TMEM272: variants seen among roughly 807,000 people sequenced by gnomAD.
The protein encoded by TMEM272 is transmembrane protein 272.
In TMEM272, 8 loss-of-function variants were observed where a neutral mutation model predicts 3.7. The observed-to-expected ratio is 2.17, with a 90% CI of 1.27 to 3.91. TMEM272 has a LOEUF of 3.91. Ranked by LOEUF, TMEM272 falls within the 30% of genes most tolerant of loss-of-function variation. TMEM272 has a pLI of 0.00. For missense variants in TMEM272, 166 were observed against 91.5 expected (o/e 1.81, Z -3.32); for synonymous variants, 63 against 39.8 (o/e 1.58, Z -2.20).
At chr13:51,855,193 G>A in the TMEM272 span, among the ~76,000 whole-genome samples, 4 of 152,230 alleles carry the variant, frequency 2.6e-5, no homozygotes, top group Non-Finnish European at 4.4e-5. Context: ...CTATCAGCAA[G>A]GAGAGGCTCT....
the TMEM272 span, among the ~76,000 whole-genome samples, chr13:51,859,547 C>G: frequency 5.0e-3 from 746 of 150,462 alleles, 5 homozygotes; most frequent in African/African-American, 0.017. Flanking sequence ...CACACACACA[C>G]AGACACCCCC....
chr13:51,869,169 A>G, the TMEM272 span, among the ~76,000 whole-genome samples: 2 of 152,190 alleles, frequency 1.3e-5, no homozygotes, highest in Non-Finnish European at 2.9e-5. Flanking sequence ...TAGATGAAGG[A>G]ACAATGCTCA....
At chr13:51,886,594 A>G in the TMEM272 span, among the ~76,000 whole-genome samples, 1 of 152,194 alleles carries the variant, frequency 6.6e-6, no homozygotes, top group Non-Finnish European at 1.5e-5. Context: ...AATAAAGATT[A>G]TTATCTTTTT....
In TMEM272 at chr13:51,816,860, A is replaced by G. The variant is rs1047247617; in HGVS notation, c.455T>C (p.Phe152Ser). ...ACTGAGCGCCAGGACTCCGACTGCA[A>G]AGAGGTACAGGGTTTTGTCACAGTA... is the stretch of plus-strand genomic sequence containing the variant. The part of the protein sequence containing the change: ...QDYCDKTLYL[F>S]AVGVLALSHT... Residue 152 changes from phenylalanine to serine, a missense_variant, in exon 5 of 5, where the codon TTT becomes TCT. Transcript: ENST00000629372. The G allele has an allele frequency of 7.1e-6, 5 of 702,934 alleles. No homozygotes were observed. Among genetic ancestry groups the G allele is most frequent in the Middle Eastern group, 2.3e-4 (1 of 4,392 alleles). The allele number at this position is 702,934 out of a possible 1,614,324, so 43.5% of individuals were successfully genotyped here. A position where few individuals can be genotyped will look rare whatever the true frequency, so the allele number is the denominator to read the frequency against.
the TMEM272 span, among the ~76,000 whole-genome samples, chr13:51,925,476 GGTTT>G: frequency 1.2e-4 from 18 of 152,040 alleles, no homozygotes; most frequent in Non-Finnish European, 2.4e-4. Context: ...TAATCTAGAT[GGTTT>G]GTTTATAAAT....
At chr13:51,836,838 A>C (rs1011048762) in intron 2 of TMEM272, among the ~76,000 whole-genome samples, 1 of 152,198 alleles carries the variant, frequency 6.6e-6, no homozygotes, top group East Asian at 1.9e-4. Flanking sequence ...TTCCTAGGAA[A>C]CCTAAAATGT....
chr13:51,910,136 T>C, the TMEM272 span: 2 of 1,026,944 alleles, frequency 1.9e-6, no homozygotes, highest in East Asian at 2.4e-5. Flanking sequence ...TCACCTCATC[T>C]TGTTCAGAAT....
At chr13:51,835,016 C>T (rs1490098055) in intron 2 of TMEM272, among the ~76,000 whole-genome samples, 6 of 152,016 alleles carry the variant, frequency 3.9e-5, no homozygotes, top group African/African-American at 1.4e-4. Flanking sequence ...CAGGAGAGCT[C>T]CAGAAAGCTC....
chr13:51,901,650 T>A, the TMEM272 span, among the ~76,000 whole-genome samples: 1 of 152,124 alleles, frequency 6.6e-6, no homozygotes, highest in Non-Finnish European at 1.5e-5. Flanking sequence ...CCTCCCCCAG[T>A]GCCCACTCCA....
At chr13:51,836,205 C>T (rs1482816504) in intron 2 of TMEM272, among the ~76,000 whole-genome samples, 1 of 152,118 alleles carries the variant, frequency 6.6e-6, no homozygotes, top group Admixed American at 6.6e-5. Flanking sequence ...GGAGTTCAGC[C>T]CTTTTTCTCT....
At chr13:51,850,340 A>G in the TMEM272 span, among the ~76,000 whole-genome samples, 411 of 152,292 alleles carry the variant, frequency 2.7e-3, 3 homozygotes, top group African/African-American at 9.5e-3. Context: ...GTTATTATTT[A>G]CAAAACGGTG....
chr13:51,850,856 A>G, the TMEM272 span, among the ~76,000 whole-genome samples: 1 of 152,224 alleles, frequency 6.6e-6, no homozygotes, highest in Non-Finnish European at 1.5e-5. Flanking sequence ...TCAAAGTAAC[A>G]GTACAGCACT....
chr13:51,845,593 G>A (rs1190744185), upstream of TMEM272, among the ~76,000 whole-genome samples: 1 of 152,178 alleles, frequency 6.6e-6, no homozygotes, highest in Non-Finnish European at 1.5e-5. Flanking sequence ...CATTGCAGAC[G>A]GCCAGATCTG....
the TMEM272 span, among the ~76,000 whole-genome samples, chr13:51,883,970 C>A: frequency 1.3e-5 from 2 of 152,294 alleles, no homozygotes; most frequent in East Asian, 3.9e-4. Context: ...AAAAAGATGT[C>A]AAAGTAAAAG....
At chr13:51,916,126 G>C in the TMEM272 span, among the ~76,000 whole-genome samples, 14 of 152,294 alleles carry the variant, frequency 9.2e-5, 1 homozygote, top group Admixed American at 9.1e-4. Context: ...GTATGTGCTG[G>C]AGGGGACACC....
intron 2 of TMEM272, among the ~76,000 whole-genome samples, chr13:51,833,038 G>A (rs1044434968): frequency 1.3e-5 from 2 of 152,194 alleles, no homozygotes; most frequent in Non-Finnish European, 2.9e-5. Context: ...AGGCCTCAAG[G>A]AGGAGGTGAT....
At chr13:51,862,308 G>A in the TMEM272 span, 3 of 152,162 alleles carry the variant, frequency 2.0e-5, no homozygotes, top group Non-Finnish European at 4.4e-5. Context: ...TTAAAAAGAA[G>A]CTCCTAGTCT....
chr13:51,831,829 A>G (rs1355869572), intron 2 of TMEM272, among the ~76,000 whole-genome samples: 1 of 152,216 alleles, frequency 6.6e-6, no homozygotes, highest in Non-Finnish European at 1.5e-5. Context: ...TGGTCTATTG[A>G]GCACCAATTC....
the TMEM272 span, among the ~76,000 whole-genome samples, chr13:51,891,536 G>A: frequency 6.6e-6 from 1 of 152,192 alleles, no homozygotes; most frequent in African/African-American, 2.4e-5. Flanking sequence ...AAGGTCCAGG[G>A]ATTTCCAGAA....
Sources: gnomAD v4.1 joint callset for allele counts (sites outside exome capture counted in the v4.1 genomes callset) on GRCh38, gnomAD v4.1.1 for gene constraint, MANE v1.5 for transcripts, NCBI Gene and HGNC (gene_info 2026-07-23, HGNC 2026-07-21) for gene names.